YLPM1: variants seen among roughly 807,000 people sequenced by gnomAD.
YLPM1 encodes YLP motif-containing protein 1.
YLPM1 carries 99 observed loss-of-function variants against 230.0 expected under a neutral mutation model. That is an observed-to-expected ratio of 0.43 (90% CI 0.37 to 0.51). The LOEUF is 0.51. Ranked by LOEUF, YLPM1 falls within the 20% of genes least tolerant of loss-of-function variation. The pLI is 0.00. For missense variants in YLPM1, 2,592 were observed against 2,707.7 expected, an observed-to-expected ratio of 0.96 and a Z score of 0.95; for synonymous variants, 984 against 942.5, an observed-to-expected ratio of 1.04 and a Z score of -0.81.
chr14:74,765,528 C>T (rs895742615), intron 1 of YLPM1, among the ~76,000 whole-genome samples: 5 of 152,076 alleles, frequency 3.3e-5, no homozygotes, highest in Non-Finnish European at 7.4e-5. Context: ...AAATTTGTAC[C>T]ATCTCACCAG....
At chr14:74,803,817 C>T (rs1177640649) in intron 6 of YLPM1, among the ~76,000 whole-genome samples, 1 of 152,138 alleles carries the variant, frequency 6.6e-6, no homozygotes, top group African/African-American at 2.4e-5. Context: ...TAATTACACC[C>T]ATTTTAAGCC....
intron 4 of YLPM1, 127 bp downstream of exon 4, chr14:74,782,452 T>C: frequency 2.6e-6 from 3 of 1,154,748 alleles, no homozygotes; most frequent in Non-Finnish European, 3.4e-6. Flanking sequence ...TTATATTGTC[T>C]GCTTGTTAAG....
intron 6 of YLPM1, among the ~76,000 whole-genome samples, chr14:74,807,737 G>A (rs2091393633): frequency 6.6e-6 from 1 of 152,188 alleles, no homozygotes; most frequent in South Asian, 2.1e-4. Flanking sequence ...TAGTACTCAT[G>A]TTCTCTGTTG....
In YLPM1 at chr14:74,799,528, G is replaced by A; in HGVS notation, c.4231G>A (p.Asp1411Asn). The A allele has an allele frequency of 3.1e-6, 5 of 1,613,940 alleles. No individual in the cohort carries two copies. The South Asian group carries it at 3.3e-5, about 11-fold the overall frequency. The change falls in exon 5 of 21, where the codon GAT becomes AAT. Residue 1411 changes from aspartate (D) to asparagine (N), a missense_variant. Around this residue, in one of 4 missense-constraint regions of YLPM1, gnomAD observed 1,862 missense variants for 1,819.8 expected, o/e 1.02. Coordinates refer to ENST00000325680, the MANE Select transcript of YLPM1 (RefSeq NM_019589.3). Reference protein sequence around the residue: ...LSDRWYPSDVDRHSPMAEHMP... With the variant: ...LSDRWYPSDVNRHSPMAEHMP... ...AGACAGATGGTACCCATCTGATGTG[G>A]ATAGACATTCCCCCATGGCGGAACA...
intron 1 of YLPM1, among the ~76,000 whole-genome samples, chr14:74,766,648 T>TC (rs2090914500): frequency 6.6e-6 from 1 of 150,608 alleles, no homozygotes; most frequent in Non-Finnish European, 1.5e-5. Flanking sequence ...TTTTTTTTTT[T>TC]TTTTTTTTTG....
chr14:74,828,712 C>T (rs1286859716), intron 18 of YLPM1, among the ~76,000 whole-genome samples: 1 of 142,422 alleles, frequency 7.0e-6, no homozygotes, highest in African/African-American at 2.6e-5. Context: ...AACCAAAATC[C>T]AAAAAAAAAA....
At chr14:74,827,702 AGT>A in intron 18 of YLPM1, 1 of 985,394 alleles carries the variant, frequency 1.0e-6, no homozygotes, top group South Asian at 4.7e-5. Context: ...TTATCTAATA[AGT>A]GTGTTGGAGC....
At chr14:74,818,012 C>T (rs558188043) in intron 15 of YLPM1, among the ~76,000 whole-genome samples, 13 of 150,924 alleles carry the variant, frequency 8.6e-5, no homozygotes, top group South Asian at 2.1e-4. Flanking sequence ...GCCATGTTGG[C>T]GCCACTACAC....
chr14:74,778,520 A>G lies in YLPM1; in HGVS notation c.947A>G (p.His316Arg), dbSNP rs745909080. Residue 316 changes from histidine (H) to arginine (R), a missense_variant, in exon 2 of 21, where the codon CAC (histidine) becomes CGC (arginine). Transcript: ENST00000325680. ...AGGACAAAAGTTCATTTGCCAGGACACAAAAAGGGTCCTGTGGTAGCAAAG... is the reference window on the plus strand; with the variant it reads ...AGGACAAAAGTTCATTTGCCAGGACGCAAAAAGGGTCCTGTGGTAGCAAAG... ...QQRTKVHLPG[H>R]KKGPVVAKDT... is the part of the protein sequence containing the mutation. 6 of 1,608,280 alleles carry G rather than the reference A, an allele frequency of 3.7e-6. No individual in the cohort carries two copies. Among genetic ancestry groups the G allele is most frequent in the South Asian group, 3.3e-5 (3 of 89,576 alleles).
At chr14:74,807,760 C>G (rs2091393783) in intron 6 of YLPM1, among the ~76,000 whole-genome samples, 1 of 152,164 alleles carries the variant, frequency 6.6e-6, no homozygotes, top group Non-Finnish European at 1.5e-5. Flanking sequence ...CTCAGCTTCA[C>G]CACAGATGAC....
Position 74,817,379 on chromosome 14 carries a change from A to G in YLPM1, c.5946+102A>G, listed in dbSNP as rs1016006954. ...TATATGGTGGTCCCATAAGATTATA[A>G]TGTATTTTTATTGTACCTTTTCTGT... On this transcript the variant is annotated intron_variant, in intron 15 of 20. Transcript: ENST00000325680. 4.9e-5 allele frequency: 52 copies of G among 1,058,788 alleles called. No homozygotes were observed. In the South Asian group the frequency reaches 8.8e-4, roughly 18 times the overall value. 65.6% of individuals were successfully genotyped at this position (1,058,788 alleles called of 1,614,324 possible).
Position 74,817,134 on chromosome 14 carries a change from C to T in YLPM1, c.5862+27C>T, listed in dbSNP as rs111521077. ...TAGAAGCTTAAAGAACTTTAAAGTA[C>T]TTTGTGTTGTCATGTAAATGTTATA... On this transcript the variant is annotated intron_variant, in intron 14 of 20. Transcript: ENST00000325680. The T allele has an allele frequency of 3.0e-5, 48 of 1,598,962 alleles. No individual in the cohort carries two copies. In the African/African-American group the frequency reaches 3.9e-4, roughly 13 times the overall value.
At chr14:74,830,357 G>A (rs983582955) in intron 19 of YLPM1, among the ~76,000 whole-genome samples, 2 of 152,196 alleles carry the variant, frequency 1.3e-5, no homozygotes, top group Non-Finnish European at 2.9e-5. Context: ...TGTTGAATTC[G>A]ATAGTGATAG....
chr14:74,815,864 CAG>C (rs1566762214), intron 11 of YLPM1, among the ~76,000 whole-genome samples: 2 of 151,964 alleles, frequency 1.3e-5, no homozygotes, highest in African/African-American at 2.4e-5. Context: ...TCATTCATCT[CAG>C]AGTATTTTCT....
At chr14:74,792,526 T>TA (rs1382691123) in intron 4 of YLPM1, among the ~76,000 whole-genome samples, 2 of 152,188 alleles carry the variant, frequency 1.3e-5, no homozygotes, top group Non-Finnish European at 2.9e-5. Context: ...ATGCATGGTT[T>TA]AAAAAAATTG....
rs146563110 is a variant in YLPM1, at chr14:74,766,867, A to C, written c.873+2505A>C. Among the ~76,000 whole-genome samples, 1,143 of 151,536 alleles carry C rather than the reference A, an allele frequency of 7.5e-3. 14 individuals are homozygous for C. Among genetic ancestry groups the C allele is most frequent in the African/African-American group, 0.027 (1,097 of 41,326 alleles). ...GTACCTCTATAAAACAAAACAAAAC[A>C]AAACCAAGACCTTTTCTTTTTTTTT... is the stretch of plus-strand genomic sequence containing the variant. On this transcript the variant is annotated intron_variant, in intron 1 of 20. Coordinates refer to ENST00000325680, the MANE Select transcript of YLPM1 (RefSeq NM_019589.3).
chr14:74,809,094 T>C (rs2091407842), intron 6 of YLPM1, among the ~76,000 whole-genome samples: 1 of 151,772 alleles, frequency 6.6e-6, no homozygotes, highest in Non-Finnish European at 1.5e-5. Flanking sequence ...TCTATTCTCA[T>C]CTTTTGGCCA....
intron 4 of YLPM1, among the ~76,000 whole-genome samples, chr14:74,789,543 T>C (rs534678102): frequency 6.6e-6 from 1 of 151,900 alleles, no homozygotes. Flanking sequence ...AAGGGCCAGG[T>C]GGTAAATATT....
intron 6 of YLPM1, among the ~76,000 whole-genome samples, chr14:74,803,345 A>T (rs2091346258): frequency 6.6e-6 from 1 of 152,202 alleles, no homozygotes; most frequent in Non-Finnish European, 1.5e-5. Context: ...TTAAGCCAGT[A>T]ATGGGCTTTT....
Sources: gnomAD v4.1 joint callset for allele counts (sites outside exome capture counted in the v4.1 genomes callset) on GRCh38, gnomAD v4.1.1 for gene constraint, gnomAD v4.1.1 regional missense constraint, MANE v1.5 for transcripts, NCBI Gene and HGNC (gene_info 2026-07-23, HGNC 2026-07-21) for gene names.